The following TLR9 variants were observed in gnomAD, a reference collection of about 807,000 sequenced individuals.
TLR9 encodes the protein toll-like receptor 9.
In TLR9, 19 loss-of-function variants were observed where a neutral mutation model predicts 24.6. The observed-to-expected ratio is 0.77, with a 90% CI of 0.54 to 1.13. TLR9 has a LOEUF of 1.13. TLR9 is among the 50% of genes most tolerant of loss of function. The pLI, the probability that TLR9 is intolerant of heterozygous loss-of-function variation, is 0.00. For synonymous variants in TLR9, 579 were observed against 609.8 expected, an observed-to-expected ratio of 0.95 and a Z score of 0.74; for missense variants, 1,065 against 1,379.6, an observed-to-expected ratio of 0.77 and a Z score of 3.61.
At position 52,222,523 on chromosome 3, in the gene TLR9, G is replaced by A. The variant is rs149970781; in HGVS notation, c.1793C>T (p.Thr598Met). Residue 598 changes from threonine (T) to methionine (M), a missense_variant, in exon 2 of 2, where the codon ACG becomes ATG. By Grantham distance (81) the Thr-to-Met change is moderately conservative. Transcript: ENST00000360658. ...GCTGAAGTCCAGGGCCCGCAGCGAC[G>A]TACTGCAGAGCTGCTGGGACACTTG... ...HSQVSQQLCSTSLRALDFSGN... is the reference protein window; with the variant it reads ...HSQVSQQLCSMSLRALDFSGN... The A allele has an allele frequency of 6.2e-6, 10 of 1,614,104 alleles. No individual in the cohort carries two copies. Among genetic ancestry groups the A allele is most frequent in the South Asian group, 3.3e-5 (3 of 91,094 alleles).
chr3:52,223,269 C>T lies in TLR9; in HGVS notation c.1047G>A (p.Val349=). The T allele has an allele frequency of 6.2e-7, 1 of 1,614,180 alleles. No homozygotes were observed. Among genetic ancestry groups the T allele is most frequent in the Non-Finnish European group, 8.5e-7 (1 of 1,180,032 alleles). The change falls in exon 2 of 2, where the codon GTG becomes GTA. Residue 349 remains valine, a synonymous_variant. Coordinates refer to ENST00000360658, the MANE Select transcript of TLR9 (RefSeq NM_017442.4). ...GGGCCAGAGACAGGTGGGCAAAGGA[C>T]ACCCTCTTTTGGTAATTGAAGGACA... ...LNLSFNYQKR[V]SFAHLSLAPS...
Position 52,222,524 on chromosome 3 carries a change from T to C in TLR9, c.1792A>G (p.Thr598Ala). The change falls in exon 2 of 2, where the codon ACG becomes GCG. Residue 598 changes from threonine (T) to alanine (A), a missense_variant. Physicochemically the swap from Thr to Ala is moderately conservative, Grantham distance 58. Transcript: ENST00000360658. Reference protein sequence around the residue: ...HSQVSQQLCSTSLRALDFSGN... With the variant: ...HSQVSQQLCSASLRALDFSGN... ...CTGAAGTCCAGGGCCCGCAGCGACG[T>C]ACTGCAGAGCTGCTGGGACACTTGG... is the stretch of plus-strand genomic sequence containing the variant. 6.2e-7 allele frequency: 1 copy of C among 1,614,232 alleles called. No homozygotes were observed.
Position 52,221,584 on chromosome 3 carries a change from C to T in TLR9, c.2732G>A (p.Arg911His), listed in dbSNP as rs1699554011. The change falls in exon 2 of 2, where the codon CGC becomes CAC. Residue 911 changes from arginine to histidine, a missense_variant. Arg to His is a conservative substitution (Grantham distance 29). Coordinates refer to ENST00000360658, the MANE Select transcript of TLR9 (RefSeq NM_017442.4). This position sits in a 1 kb window ranked among gnomAD's most constrained non-coding sequence, Gnocchi z 9.9. Reference sequence around the variant, plus strand: ...GAGGGTTTTGCCAGGCAGCCAGTCGCGTTCCTCCAGGCACAGGCGGAGTGC... The same window carrying T: ...GAGGGTTTTGCCAGGCAGCCAGTCGTGTTCCTCCAGGCACAGGCGGAGTGC... ...RWALRLCLEE[R>H]DWLPGKTLFE... The T allele has an allele frequency of 5.0e-6, 8 of 1,612,966 alleles. No homozygotes were observed. Among genetic ancestry groups the T allele is most frequent in the Non-Finnish European group, 5.9e-6 (7 of 1,179,770 alleles).
rs141692865 is a variant in TLR9 at position 52,223,384 on chromosome 3, C to T, written c.932G>A (p.Arg311Gln). 6.6e-4 allele frequency: 1,066 copies of T among 1,614,026 alleles called. 1 individual carries two copies. Among genetic ancestry groups the T allele is most frequent in the Non-Finnish European group, 8.6e-4 (1,009 of 1,179,952 alleles). The change falls in exon 2 of 2, where the codon CGA becomes CAA. Residue 311 changes from arginine to glutamine, a missense_variant. Arg to Gln is a conservative substitution (Grantham distance 43, BLOSUM62 1). Coordinates refer to ENST00000360658, the MANE Select transcript of TLR9 (RefSeq NM_017442.4). Reference sequence around the variant, plus strand: ...GAAGTTCTCACTCAGGTCCAGCACTCGGAGGTTTCCCAGCCCACGGAACCA... The same window carrying T: ...GAAGTTCTCACTCAGGTCCAGCACTTGGAGGTTTCCCAGCCCACGGAACCA... ...ASWFRGLGNL[R>Q]VLDLSENFLY...
In TLR9 at chr3:52,225,587, G is replaced by A; in HGVS notation, c.-58C>T. The A allele has an allele frequency of 6.4e-7, 1 of 1,573,304 alleles. No individual in the cohort carries two copies. Among genetic ancestry groups the A allele is most frequent in the East Asian group, 2.4e-5 (1 of 42,094 alleles). ...GCGGGCAGACTGGACAGCAGCTACA[G>A]GGAAGGATGCTTCACACTCGAGGTC... On this transcript the variant is annotated 5_prime_UTR_variant, in exon 1 of 2. Transcript: ENST00000360658.
chr3:52,223,126 C>T lies in TLR9; in HGVS notation c.1190G>A (p.Arg397His), dbSNP rs779526214. 9.9e-6 allele frequency: 16 copies of T among 1,613,788 alleles called. No individual in the cohort carries two copies. The highest frequency in any genetic ancestry group is 6.7e-5 in the African/African-American group (5 of 74,960). ...CTGGTTGATGAAGTTCATCTGCAGA[C>T]GCAGAGTCTGGAGCATGGGCAGGCG... is the stretch of plus-strand genomic sequence containing the variant. ...LARLPMLQTL[R>H]LQMNFINQAQ... Residue 397 changes from arginine to histidine, a missense_variant, in exon 2 of 2, where the codon CGT (arginine) becomes CAT (histidine). By Grantham distance (29) the Arg-to-His change is conservative. Coordinates refer to ENST00000360658, the MANE Select transcript of TLR9 (RefSeq NM_017442.4).
intron 1 of TLR9, among the ~76,000 whole-genome samples, chr3:52,224,983 C>T (rs1457295104): frequency 1.3e-5 from 2 of 152,228 alleles, no homozygotes; most frequent in Admixed American, 6.5e-5. Context: ...ACCCAGGCTC[C>T]AGCCCCAGCT....
In TLR9 at chr3:52,224,263, A is replaced by G; in HGVS notation, c.53T>C (p.Ile18Thr). Residue 18 changes from isoleucine (I) to threonine (T), a missense_variant, in exon 2 of 2, where the codon ATC becomes ACC. Transcript: ENST00000360658. The part of the protein sequence containing the change: ...LHPLSLLVQA[I>T]MLAMTLALGT... ...CAGGGCCAGGGTCATGGCCAGCATG[A>G]TGGCCTGCACCAGGAGAGACAGCGG... is the stretch of plus-strand genomic sequence containing the variant. 6.2e-7 allele frequency: 1 copy of G among 1,611,694 alleles called. No individual in the cohort carries two copies. Among genetic ancestry groups the G allele is most frequent in the Non-Finnish European group, 8.5e-7 (1 of 1,178,820 alleles).
In TLR9 at chr3:52,223,700, G is replaced by A. The variant is rs1007724971; in HGVS notation, c.616C>T (p.Leu206Phe). 2.4e-5 allele frequency: 38 copies of A among 1,596,722 alleles called. No individual in the cohort carries two copies. The highest frequency in any genetic ancestry group is 3.2e-5 in the Non-Finnish European group (37 of 1,170,574). Residue 206 changes from leucine (L) to phenylalanine (F), a missense_variant, in exon 2 of 2, where the codon CTC becomes TTC. Transcript: ENST00000360658. ...LGLGNLTHLS[L>F]KYNNLTVVPR... ...ACCACAGTGAGGTTGTTGTACTTGA[G>A]TGACAGGTGGGTGAGGTTGCCCAGG...
At position 52,221,637 on chromosome 3, in the gene TLR9, C is replaced by T. The variant is rs1229113347; in HGVS notation, c.2679G>A (p.Gly893=). Residue 893 remains glycine, a synonymous_variant, in exon 2 of 2, where the codon GGG becomes GGA. Transcript: ENST00000360658. This position sits in a 1 kb window ranked among gnomAD's most constrained non-coding sequence, Gnocchi z 9.9. ...AGCGCCCACGGCACTCCTCCAGCTG[C>T]CCCCGAAGCTCGTTGTACACCCAGT... ...VADWVYNELR[G]QLEECRGRWA... The T allele has an allele frequency of 1.2e-6, 2 of 1,613,814 alleles. No homozygotes were observed. The highest frequency in any genetic ancestry group is 1.7e-6 in the Non-Finnish European group (2 of 1,180,000).
In TLR9 at chr3:52,223,653, G is replaced by C. The variant is rs1490930435; in HGVS notation, c.663C>G (p.Ser221Arg). ...TGTAGGACAACAGCAGATACTCCAG[G>C]CTGGAAGGCAGGTTGCGGGGCACCA... The part of the protein sequence containing the change: ...LTVVPRNLPS[S>R]LEYLLLSYNR... The change falls in exon 2 of 2, where the codon AGC becomes AGG. Residue 221 changes from serine to arginine, a missense_variant. Physicochemically the swap from Ser to Arg is moderately radical, Grantham distance 110. Transcript: ENST00000360658. The C allele has an allele frequency of 7.5e-6, 12 of 1,590,236 alleles. No homozygotes were observed. The highest frequency in any genetic ancestry group is 1.0e-5 in the Non-Finnish European group (12 of 1,167,776).
chr3:52,223,899 A>C lies in TLR9; in HGVS notation c.417T>G (p.Pro139=). The C allele has an allele frequency of 6.2e-7, 1 of 1,607,904 alleles. No individual in the cohort carries two copies. The highest frequency in any genetic ancestry group is 2.2e-5 in the East Asian group (1 of 44,760). ...NLSYNNIMTV[P]ALPKSLISLS... The stretch of plus-strand genomic sequence containing the variant: ...GGGATATGAGGGATTTGGGCAGCGC[A>C]GGCACAGTCATGATGTTGTTGTAGC... Residue 139 remains proline, a synonymous_variant, in exon 2 of 2, where the codon CCT becomes CCG. Transcript: ENST00000360658.
rs5743848 is a variant in TLR9, at chr3:52,221,199, C to G, written c.*18G>C. 8.6e-3 allele frequency: 12,929 copies of G among 1,510,294 alleles called. 75 individuals are homozygous for G. The highest frequency in any genetic ancestry group is 0.01 in the Non-Finnish European group (11,395 of 1,129,270). The allele number at this position is 1,510,294 out of a possible 1,614,324, so 93.6% of individuals were successfully genotyped here. A position where few individuals can be genotyped will look rare whatever the true frequency, so the allele number is the denominator to read the frequency against. ...AGGTGAGTGTGGAGGTGGCACCGTG[C>G]AGGATTCCGGCTCACGGCTATTCGG... On this transcript the variant is annotated 3_prime_UTR_variant, in exon 2 of 2. Transcript: ENST00000360658. The surrounding 1 kb of genome is among the most constrained non-coding windows in gnomAD (Gnocchi z 9.9).
In TLR9 at chr3:52,221,230, G is replaced by A. The variant is rs771432576; in HGVS notation, c.3086C>T (p.Pro1029Leu). The change falls in exon 2 of 2, where the codon CCC becomes CTC. Residue 1029 changes from proline to leucine, a missense_variant. Coordinates refer to ENST00000360658, the MANE Select transcript of TLR9 (RefSeq NM_017442.4). The surrounding 1 kb of genome is among the most constrained non-coding windows in gnomAD (Gnocchi z 9.9). ...TCCGGCTCACGGCTATTCGGCCGTG[G>A]GTCCCTGGCAGAAGTTCCGGTTATA... ...HFYNRNFCQG[P>L]TAE 2.0e-6 allele frequency: 3 copies of A among 1,512,496 alleles called. No homozygotes were observed. Among genetic ancestry groups the A allele is most frequent in the Non-Finnish European group, 2.7e-6 (3 of 1,130,386 alleles). The allele number at this position is 1,512,496 out of a possible 1,614,324, so 93.7% of individuals were successfully genotyped here. A position where few individuals can be genotyped will look rare whatever the true frequency, so the allele number is the denominator to read the frequency against.
At position 52,223,306 on chromosome 3, in the gene TLR9, C is replaced by T. The variant is rs1489779545; in HGVS notation, c.1010G>A (p.Arg337His). The T allele has an allele frequency of 3.1e-6, 5 of 1,614,214 alleles. No homozygotes were observed. Among genetic ancestry groups the T allele is most frequent in the Admixed American group, 1.7e-5 (1 of 60,034 alleles). The change falls in exon 2 of 2, where the codon CGC becomes CAC. Residue 337 changes from arginine (R) to histidine (H), a missense_variant. Transcript: ENST00000360658. The part of the protein sequence containing the change: ...TKAFQGLTQL[R>H]KLNLSFNYQK... The stretch of plus-strand genomic sequence containing the variant: ...GTAATTGAAGGACAGGTTAAGCTTG[C>T]GCAGCTGTGTTAGGCCCTGGAAGGC...
chr3:52,221,483 C>A lies in TLR9; in HGVS notation c.2833G>T (p.Gly945Cys), dbSNP rs1019590992. Residue 945 changes from glycine (G) to cysteine (C), a missense_variant, in exon 2 of 2, where the codon GGT becomes TGT. Coordinates refer to ENST00000360658, the MANE Select transcript of TLR9 (RefSeq NM_017442.4). The surrounding 1 kb of genome is among the most constrained non-coding windows in gnomAD (Gnocchi z 9.9). Reference sequence around the variant, plus strand: ...AGCAGGAAGCTGGCGCGCAAGAGACCACTGACCCGGTCCGTGTGGGCCAGC... The same window carrying A: ...AGCAGGAAGCTGGCGCGCAAGAGACAACTGACCCGGTCCGTGTGGGCCAGC... ...FVLAHTDRVSGLLRASFLLAQ... is the reference protein window; with the variant it reads ...FVLAHTDRVSCLLRASFLLAQ... The A allele has an allele frequency of 6.2e-7, 1 of 1,612,772 alleles. No individual in the cohort carries two copies. Among genetic ancestry groups the A allele is most frequent in the Non-Finnish European group, 8.5e-7 (1 of 1,179,604 alleles).
chr3:52,225,550 C>G lies in TLR9; in HGVS notation c.-21G>C, dbSNP rs772132698. The G allele has an allele frequency of 1.9e-6, 3 of 1,579,088 alleles. No individual in the cohort carries two copies. The highest frequency in any genetic ancestry group is 2.6e-6 in the Non-Finnish European group (3 of 1,167,680). On this transcript the variant is annotated 5_prime_UTR_variant, in exon 1 of 2. Transcript: ENST00000360658. ...ACCATGCTGGGGGGCAGGGGCTTCT[C>G]CAGAGGGTCTGGCGGGCAGACTGGA...
chr3:52,224,653 C>T (rs1053307251), intron 1 of TLR9, among the ~76,000 whole-genome samples: 4 of 152,184 alleles, frequency 2.6e-5, no homozygotes, highest in Non-Finnish European at 5.9e-5. Flanking sequence ...CTTTCCCTTC[C>T]TGCTCCTGAG....
Position 52,224,323 on chromosome 3 carries a change from G to T in TLR9, c.4-11C>A. The T allele has an allele frequency of 6.4e-7, 1 of 1,559,792 alleles. No homozygotes were observed. Among genetic ancestry groups the T allele is most frequent in the Non-Finnish European group, 8.7e-7 (1 of 1,152,332 alleles). The stretch of plus-strand genomic sequence containing the variant: ...GCTGCGGCAGAAACCCTGTGGGGGT[G>T]GGAGGGCTGTGTGAGTGGCCGGCCC... On this transcript the variant is annotated splice_polypyrimidine_tract_variant and intron_variant, in intron 1 of 1. Transcript: ENST00000360658.
Sources: allele counts gnomAD v4.1 joint callset (sites outside exome capture counted in the v4.1 genomes callset), GRCh38; gene constraint gnomAD v4.1.1; non-coding constraint Gnocchi (gnomAD v3.1); transcripts MANE v1.5; gene names NCBI Gene and HGNC (gene_info 2026-07-23, HGNC 2026-07-21).